CDH6: variants seen among roughly 807,000 people sequenced by gnomAD.
CDH6 encodes the protein cadherin-6.
CDH6 carries 31 observed loss-of-function variants against 78.0 expected under a neutral mutation model. The ratio of observed to expected loss-of-function variants is 0.40; its 90% CI spans 0.30 to 0.54. The LOEUF is 0.54. Ranked by LOEUF, CDH6 falls within the 20% of genes least tolerant of loss-of-function variation. The pLI is 0.56. For missense variants in CDH6, 724 were observed against 975.9 expected (o/e 0.74, Z 3.44); for synonymous variants, 376 against 368.8 (o/e 1.02, Z -0.23).
chr5:31,208,304 G>A (rs115164678), intron 1 of CDH6, among the ~76,000 whole-genome samples: 2,128 of 152,240 alleles, frequency 0.014, 58 homozygotes, highest in African/African-American at 0.048. Context: ...GATTTGTGGC[G>A]TGGCAGTGCA....
At chr5:31,291,060 G>C (rs1319538885) in intron 2 of CDH6, among the ~76,000 whole-genome samples, 1 of 152,140 alleles carries the variant, frequency 6.6e-6, no homozygotes, top group African/African-American at 2.4e-5. Context: ...CTTGTGACCA[G>C]ATGTGGAATT....
chr5:31,317,559 A>G, intron 10 of CDH6, 67 bp downstream of exon 10: 1 of 1,504,338 alleles, frequency 6.6e-7, no homozygotes, highest in Non-Finnish European at 9.2e-7. Flanking sequence ...CTGTATGTAT[A>G]TGTGTATATG....
At chr5:31,242,564 A>G (rs1433217422) in intron 1 of CDH6, among the ~76,000 whole-genome samples, 2 of 152,164 alleles carry the variant, frequency 1.3e-5, no homozygotes, top group Non-Finnish European at 2.9e-5. Flanking sequence ...AAGTCCGTTG[A>G]TAGTAGCAGT....
intron 6 of CDH6, chr5:31,302,539 C>G: frequency 2.9e-6 from 1 of 339,256 alleles, no homozygotes. Flanking sequence ...CATGGCAAAA[C>G]CTATCTCTGT....
intron 1 of CDH6, among the ~76,000 whole-genome samples, chr5:31,239,575 C>T (rs755287026): frequency 6.6e-6 from 1 of 152,142 alleles, no homozygotes; most frequent in Non-Finnish European, 1.5e-5. Flanking sequence ...TACCTATTTA[C>T]AAATGAGTGG....
At chr5:31,207,172 T>C (rs1425639488) in intron 1 of CDH6, among the ~76,000 whole-genome samples, 1 of 152,258 alleles carries the variant, frequency 6.6e-6, no homozygotes, top group African/African-American at 2.4e-5. Flanking sequence ...GATAATGCCA[T>C]GCCTTGATGT....
intron 11 of CDH6, among the ~76,000 whole-genome samples, chr5:31,321,869 T>G (rs1738485432): frequency 6.6e-6 from 1 of 152,218 alleles, no homozygotes; most frequent in African/African-American, 2.4e-5. Context: ...CTGTTTTCTC[T>G]CTAAGCTTTT....
intron 2 of CDH6, among the ~76,000 whole-genome samples, chr5:31,272,769 G>T (rs1360424783): frequency 6.6e-6 from 1 of 152,086 alleles, no homozygotes; most frequent in South Asian, 2.1e-4. Context: ...TAACGCATTC[G>T]AGGTGCTTCT....
chr5:31,286,767 TG>T (rs774985276), intron 2 of CDH6, among the ~76,000 whole-genome samples: 19 of 152,094 alleles, frequency 1.2e-4, no homozygotes, highest in Admixed American at 1.2e-3. Context: ...AAAGCAAGCC[TG>T]GGTGTGTGTT....
At chr5:31,278,145 T>C (rs1163372817) in intron 2 of CDH6, among the ~76,000 whole-genome samples, 3 of 152,222 alleles carry the variant, frequency 2.0e-5, no homozygotes, top group Admixed American at 6.5e-5. Context: ...TGGTTTGATA[T>C]GAATATCTTT....
intron 8 of CDH6, among the ~76,000 whole-genome samples, chr5:31,314,572 T>C (rs537565912): frequency 6.6e-6 from 1 of 152,144 alleles, no homozygotes; most frequent in African/African-American, 2.4e-5. Flanking sequence ...TGCTTTTAGA[T>C]AGTGATAAGG....
At chr5:31,252,328 G>GGTGTGTGTGTGTGTGTGTGTGT (rs5867065) in intron 1 of CDH6, among the ~76,000 whole-genome samples, 34 of 149,026 alleles carry the variant, frequency 2.3e-4, no homozygotes, top group South Asian at 8.6e-4. Context: ...ATGTGTGTGT[G>GGTGTGTGTGTGTGTGTGTGTGT]GTGTGTGTGT....
chr5:31,242,352 A>G (rs1741626848), intron 1 of CDH6, among the ~76,000 whole-genome samples: 1 of 152,136 alleles, frequency 6.6e-6, no homozygotes, highest in African/African-American at 2.4e-5. Flanking sequence ...ATCCCATGGG[A>G]TAGTAGCCCA....
intron 1 of CDH6, among the ~76,000 whole-genome samples, chr5:31,203,233 C>CTTTTTTTT (rs10656122): frequency 6.3e-5 from 8 of 127,210 alleles, no homozygotes; most frequent in African/African-American, 1.3e-4. Context: ...CAGGCAGGTC[C>CTTTTTTTT]TTTTTTTTTT....
chr5:31,284,655 G>A (rs1742966289), intron 2 of CDH6, among the ~76,000 whole-genome samples: 1 of 152,220 alleles, frequency 6.6e-6, no homozygotes, highest in Admixed American at 6.5e-5. Flanking sequence ...GACATAGCCA[G>A]ACCTCGAGGG....
At chr5:31,202,141 T>C (rs143978030) in intron 1 of CDH6, among the ~76,000 whole-genome samples, 6 of 152,314 alleles carry the variant, frequency 3.9e-5, no homozygotes, top group African/African-American at 1.4e-4. Context: ...CTTTGTATAA[T>C]TGTAGACAAA....
intron 1 of CDH6, among the ~76,000 whole-genome samples, chr5:31,201,340 G>T (rs1401338936): frequency 1.3e-5 from 2 of 152,030 alleles, no homozygotes; most frequent in Non-Finnish European, 2.9e-5. Flanking sequence ...TATTTGTAAT[G>T]GATTGATGGC....
At chr5:31,289,804 G>T (rs1305126490) in intron 2 of CDH6, among the ~76,000 whole-genome samples, 1 of 152,168 alleles carries the variant, frequency 6.6e-6, no homozygotes. Flanking sequence ...TTGATTTAAA[G>T]TCAAGTTGGA....
intron 5 of CDH6, among the ~76,000 whole-genome samples, chr5:31,299,891 A>G (rs1737713593): frequency 1.3e-5 from 2 of 152,230 alleles, no homozygotes; most frequent in African/African-American, 4.8e-5. Context: ...CTTATTAAGA[A>G]AACTACCACA....
Sources: gnomAD v4.1 joint callset for allele counts (sites outside exome capture counted in the v4.1 genomes callset) on GRCh38, gnomAD v4.1.1 for gene constraint, MANE v1.5 for transcripts, NCBI Gene and HGNC (gene_info 2026-07-23, HGNC 2026-07-21) for gene names.